SDCCAG8: variants seen among roughly 807,000 people sequenced by gnomAD.
SDCCAG8 encodes serologically defined colon cancer antigen 8.
In SDCCAG8, 74 loss-of-function variants were observed where a neutral mutation model predicts 101.8. That is an observed-to-expected ratio of 0.73 (90% CI 0.60 to 0.88). The LOEUF is 0.88. Among genes scored for constraint, SDCCAG8 ranks in the 40% least tolerant of loss-of-function variants. The probability of loss-of-function intolerance (pLI) is 0.00; values close to 1 mark genes in which losing one functional copy is unlikely to be tolerated. For synonymous variants in SDCCAG8, 281 were observed against 292.9 expected, an observed-to-expected ratio of 0.96 and a Z score of 0.41; for missense variants, 787 against 822.6, an observed-to-expected ratio of 0.96 and a Z score of 0.53.
intron 4 of SDCCAG8, among the ~76,000 whole-genome samples, chr1:243,285,299 G>A (rs944216498): frequency 2.0e-5 from 3 of 152,114 alleles, no homozygotes; most frequent in African/African-American, 7.2e-5. Flanking sequence ...GTGTCTCAGC[G>A]TCCACCCATC....
At chr1:243,383,157 T>C (rs968866119) in intron 13 of SDCCAG8, among the ~76,000 whole-genome samples, 1 of 152,120 alleles carries the variant, frequency 6.6e-6, no homozygotes, top group Admixed American at 6.5e-5. Flanking sequence ...AAGACTGAAA[T>C]GGGGTCTTCG....
chr1:243,424,721 A>G (rs1173888988), intron 15 of SDCCAG8, among the ~76,000 whole-genome samples: 1 of 152,108 alleles, frequency 6.6e-6, no homozygotes, highest in Non-Finnish European at 1.5e-5. Flanking sequence ...TCTAGAAACA[A>G]TGCTACAATG....
At chr1:243,452,932 T>C (rs1452020477) in intron 16 of SDCCAG8, among the ~76,000 whole-genome samples, 1 of 152,346 alleles carries the variant, frequency 6.6e-6, no homozygotes, top group African/African-American at 2.4e-5. Context: ...TCTTACTCTG[T>C]TGTTTTCCTT....
At chr1:243,437,781 G>A (rs971346960) in intron 16 of SDCCAG8, among the ~76,000 whole-genome samples, 44 of 152,006 alleles carry the variant, frequency 2.9e-4, no homozygotes, top group African/African-American at 9.7e-4. Context: ...CTCGTGATCC[G>A]CCCGCCTCGG....
intron 3 of SDCCAG8, 78 bp from the exon 4 acceptor site, chr1:243,274,465 T>C: frequency 1.2e-6 from 1 of 824,204 alleles, no homozygotes; most frequent in Non-Finnish European, 2.0e-6. Context: ...ACTGATTCTT[T>C]GCTAAATCCA....
At chr1:243,392,030 A>G (rs1336365179) in intron 13 of SDCCAG8, among the ~76,000 whole-genome samples, 3 of 152,090 alleles carry the variant, frequency 2.0e-5, no homozygotes, top group African/African-American at 7.2e-5. Context: ...TCTATTTCTG[A>G]TTATTTTTTG....
intron 12 of SDCCAG8, among the ~76,000 whole-genome samples, chr1:243,372,944 CTA>C (rs1226961531): frequency 0.021 from 2,946 of 140,208 alleles, 47 homozygotes; most frequent in African/African-American, 0.053. Context: ...ATATCTATAT[CTA>C]TATCTATCTA....
chr1:243,428,591 A>G (rs1224201564), intron 16 of SDCCAG8, among the ~76,000 whole-genome samples: 2 of 152,252 alleles, frequency 1.3e-5, no homozygotes, highest in African/African-American at 4.8e-5. Flanking sequence ...AAGAAGTTTT[A>G]AATTTAAGTA....
chr1:243,356,596 A>G (rs1487999011), intron 12 of SDCCAG8, among the ~76,000 whole-genome samples: 1 of 152,170 alleles, frequency 6.6e-6, no homozygotes, highest in Admixed American at 6.5e-5. Context: ...ATAATAATGC[A>G]TCAGGATTTT....
intron 16 of SDCCAG8, among the ~76,000 whole-genome samples, chr1:243,478,409 A>G (rs1167844564): frequency 2.6e-5 from 4 of 152,260 alleles, no homozygotes; most frequent in Middle Eastern, 6.8e-3. Context: ...ACATAATATG[A>G]TTCTTTTCAT....
chr1:243,271,339 AAATATAT>A (rs1471021103), intron 3 of SDCCAG8, among the ~76,000 whole-genome samples: 2 of 148,812 alleles, frequency 1.3e-5, no homozygotes, highest in Admixed American at 6.7e-5. Context: ...TATGTAATAT[AAATATAT>A]AATATATAAT....
chr1:243,353,865 A>G (rs2147826072), intron 12 of SDCCAG8, among the ~76,000 whole-genome samples: 1 of 152,306 alleles, frequency 6.6e-6, no homozygotes, highest in South Asian at 2.1e-4. Context: ...GGTTTTATGT[A>G]ATGGAAAAAT....
At chr1:243,441,870 C>T (rs2082559274) in intron 16 of SDCCAG8, among the ~76,000 whole-genome samples, 1 of 152,118 alleles carries the variant, frequency 6.6e-6, no homozygotes. Flanking sequence ...TCTTTAACAT[C>T]ATAGAAATTC....
At chr1:243,413,765 G>T (rs2080359721) in intron 13 of SDCCAG8, among the ~76,000 whole-genome samples, 1 of 147,324 alleles carries the variant, frequency 6.8e-6, no homozygotes, top group South Asian at 2.1e-4. Flanking sequence ...GCCCCGGCAG[G>T]GGGTCTGACT....
chr1:243,435,377 A>C (rs750607937), intron 16 of SDCCAG8, among the ~76,000 whole-genome samples: 3 of 152,198 alleles, frequency 2.0e-5, no homozygotes, highest in Non-Finnish European at 4.4e-5. Context: ...AATAATCCAC[A>C]AAAAGGTCTT....
intron 6 of SDCCAG8, among the ~76,000 whole-genome samples, chr1:243,294,506 C>CGAGCGAGAGAGAGAGAGAGA (rs2070634268): frequency 9.4e-6 from 1 of 105,884 alleles, no homozygotes; most frequent in Non-Finnish European, 1.9e-5. Flanking sequence ...AGAGAAAGAG[C>CGAGCGAGAGAGAGAGAGAGA]GAGAGAGAGA....
chr1:243,330,186 T>G (rs1306693828), intron 9 of SDCCAG8, among the ~76,000 whole-genome samples: 1 of 152,194 alleles, frequency 6.6e-6, no homozygotes, highest in East Asian at 1.9e-4. Context: ...TACTTACGTA[T>G]TTCGTGTAGT....
intron 10 of SDCCAG8, among the ~76,000 whole-genome samples, chr1:243,333,415 G>A (rs1235367107): frequency 1.3e-5 from 2 of 152,192 alleles, no homozygotes; most frequent in Non-Finnish European, 2.9e-5. Flanking sequence ...ACATCAAAAT[G>A]TCTGAGAGAA....
chr1:243,447,269 A>AAC (rs1558481912), intron 16 of SDCCAG8, among the ~76,000 whole-genome samples: 1 of 150,860 alleles, frequency 6.6e-6, no homozygotes, highest in African/African-American at 2.4e-5. Context: ...AAAAAAAAAA[A>AAC]AAAAAAACCA....
Sources: allele counts gnomAD v4.1 joint callset (sites outside exome capture counted in the v4.1 genomes callset), GRCh38; gene constraint gnomAD v4.1.1; transcripts MANE v1.5; gene names NCBI Gene and HGNC (gene_info 2026-07-23, HGNC 2026-07-21).